COL21A1: variants seen among roughly 807,000 people sequenced by gnomAD.
COL21A1 encodes the protein collagen type XXI alpha 1 chain.
Under a neutral mutation model 137.9 loss-of-function variants are expected in COL21A1, and 149 were observed. The observed-to-expected ratio is 1.08, with a 90% CI of 0.95 to 1.24. The LOEUF (loss-of-function observed/expected upper bound fraction) is 1.24. Among genes scored for constraint, COL21A1 ranks in the 50% most tolerant of loss-of-function variants. The pLI is 0.00. For synonymous variants in COL21A1, 456 were observed against 391.5 expected (o/e 1.16, Z -1.95); for missense variants, 1,167 against 1,158.4 (o/e 1.01, Z -0.11).
At chr6:56,360,148 G>A (rs1765932032) in intron 1 of COL21A1, among the ~76,000 whole-genome samples, 1 of 152,180 alleles carries the variant, frequency 6.6e-6, no homozygotes, top group African/African-American at 2.4e-5. Flanking sequence ...AGAAGGCTTA[G>A]ACTACTAAAA....
chr6:56,203,149 A>C (rs1338197980), intron 1 of COL21A1, among the ~76,000 whole-genome samples: 13 of 152,202 alleles, frequency 8.5e-5, no homozygotes, highest in Non-Finnish European at 1.9e-4. Context: ...AGACTAATAA[A>C]ATTTCTAACT....
At chr6:56,287,681 C>G (rs1444155354) in intron 1 of COL21A1, among the ~76,000 whole-genome samples, 1 of 152,060 alleles carries the variant, frequency 6.6e-6, no homozygotes, top group Non-Finnish European at 1.5e-5. Flanking sequence ...TCATAAGTTA[C>G]CCAGTCTCAG....
At position 56,060,798 on chromosome 6, in the gene COL21A1, G is replaced by A. The variant is rs752351826; in HGVS notation, c.2353-3C>T. The A allele has an allele frequency of 6.2e-7, 1 of 1,608,086 alleles. No homozygotes were observed. Among genetic ancestry groups the A allele is most frequent in the East Asian group, 2.2e-5 (1 of 44,720 alleles). Reference sequence around the variant, plus strand: ...AATTGTTCTGAAAACTCTCTTCCCTGCATCAAAGTGTTAGGGGTTATAACA... The same window carrying A: ...AATTGTTCTGAAAACTCTCTTCCCTACATCAAAGTGTTAGGGGTTATAACA... On this transcript the variant is annotated splice_region_variant and splice_polypyrimidine_tract_variant and intron_variant, in intron 26 of 29. Coordinates refer to ENST00000244728, the MANE Select transcript of COL21A1 (RefSeq NM_030820.4).
intron 1 of COL21A1, among the ~76,000 whole-genome samples, chr6:56,357,529 C>T (rs1397299633): frequency 6.6e-6 from 1 of 152,140 alleles, no homozygotes; most frequent in Non-Finnish European, 1.5e-5. Flanking sequence ...TTCTGAAAAA[C>T]AAATAAAGAT....
intron 12 of COL21A1, among the ~76,000 whole-genome samples, chr6:56,127,339 G>A (rs942500392): frequency 1.2e-4 from 18 of 151,994 alleles, no homozygotes; most frequent in Admixed American, 2.0e-4. Context: ...CATTTTAATC[G>A]TTTAGTTTCC....
At chr6:56,218,547 T>G (rs1780628124) in intron 1 of COL21A1, among the ~76,000 whole-genome samples, 1 of 152,146 alleles carries the variant, frequency 6.6e-6, no homozygotes, top group South Asian at 2.1e-4. Context: ...GATATTGGAA[T>G]ACATTCTTAA....
rs1411765749 is a variant in COL21A1 at position 56,115,074 on chromosome 6, TCTCA to T, written c.1758+8984_1758+8987del. Among the ~76,000 whole-genome samples, 601 of 151,174 alleles carry T rather than the reference TCTCA, an allele frequency of 4.0e-3. 2 individuals are homozygous for T. The highest frequency in any genetic ancestry group is 0.014 in the African/African-American group (578 of 41,202). On this transcript the variant is annotated intron_variant, in intron 16 of 29. Transcript: ENST00000244728. The stretch of plus-strand genomic sequence containing the variant: ...GAACAAAAAACCAAACACCGCATAT[TCTCA>T]CTCATAGGTGGGAATTGAACAATGA...
intron 10 of COL21A1, among the ~76,000 whole-genome samples, chr6:56,147,712 G>C (rs1774944459): frequency 6.6e-6 from 1 of 151,946 alleles, no homozygotes; most frequent in South Asian, 2.1e-4. Flanking sequence ...ATATATCTAA[G>C]TAATCTATTT....
chr6:56,167,512 G>T (rs1187911944), intron 6 of COL21A1, among the ~76,000 whole-genome samples: 1 of 152,192 alleles, frequency 6.6e-6, no homozygotes, highest in Admixed American at 6.5e-5. Context: ...ATATGAAAAT[G>T]ACAGACTCTT....
intron 1 of COL21A1, among the ~76,000 whole-genome samples, chr6:56,266,398 G>GT (rs1763392084): frequency 6.6e-6 from 1 of 151,600 alleles, no homozygotes; most frequent in South Asian, 2.1e-4. Flanking sequence ...TTGTTTTTTT[G>GT]TTTTTTGAGG....
chr6:56,114,740 T>G (rs529527718), intron 16 of COL21A1, among the ~76,000 whole-genome samples: 78 of 148,838 alleles, frequency 5.2e-4, no homozygotes, highest in African/African-American at 1.8e-3. Flanking sequence ...GTAAACTAGT[T>G]CAACCATTGT....
At chr6:56,103,405 G>C (rs1377364449) in intron 16 of COL21A1, among the ~76,000 whole-genome samples, 2 of 152,124 alleles carry the variant, frequency 1.3e-5, no homozygotes, top group Middle Eastern at 3.2e-3. Flanking sequence ...AGAGGGTAAG[G>C]CACTTGCCAA....
chr6:56,177,043 G>T (rs1171843590), intron 3 of COL21A1, among the ~76,000 whole-genome samples: 1 of 151,534 alleles, frequency 6.6e-6, no homozygotes, highest in Non-Finnish European at 1.5e-5. Context: ...GGAGGAGGAA[G>T]TAGTAGTAGA....
intron 1 of COL21A1, among the ~76,000 whole-genome samples, chr6:56,230,035 T>A (rs917559813): frequency 1.3e-5 from 2 of 151,900 alleles, no homozygotes; most frequent in Admixed American, 1.3e-4. Context: ...TCAGAGCACA[T>A]TGCATGTACA....
chr6:56,393,576 T>G (rs2094034221), intron 1 of COL21A1, among the ~76,000 whole-genome samples: 1 of 152,182 alleles, frequency 6.6e-6, no homozygotes, highest in Non-Finnish European at 1.5e-5. Context: ...TTGGTGGAAT[T>G]GTTAGCATGC....
intron 17 of COL21A1, among the ~76,000 whole-genome samples, chr6:56,093,222 A>T (rs750536664): frequency 3.3e-5 from 5 of 152,124 alleles, no homozygotes; most frequent in Non-Finnish European, 7.4e-5. Flanking sequence ...AGCCTGACAC[A>T]GTCTACCCTC....
intron 1 of COL21A1, among the ~76,000 whole-genome samples, chr6:56,366,375 C>T (rs764078500): frequency 6.6e-5 from 10 of 152,238 alleles, no homozygotes; most frequent in South Asian, 4.1e-4. Context: ...AGCCAAGTAC[C>T]GCAGCAGGAA....
chr6:56,204,527 A>G (rs1779628797), intron 1 of COL21A1, among the ~76,000 whole-genome samples: 1 of 152,168 alleles, frequency 6.6e-6, no homozygotes, highest in South Asian at 2.1e-4. Flanking sequence ...ACAGAGCACC[A>G]GGGGGAAGTG....
At chr6:56,367,487 C>T (rs1321469080) in intron 1 of COL21A1, among the ~76,000 whole-genome samples, 1 of 152,200 alleles carries the variant, frequency 6.6e-6, no homozygotes, top group Non-Finnish European at 1.5e-5. Flanking sequence ...AACACTCCCA[C>T]TCTTCTACAG....
Sources: allele counts gnomAD v4.1 joint callset (sites outside exome capture counted in the v4.1 genomes callset), GRCh38; gene constraint gnomAD v4.1.1; transcripts MANE v1.5; gene names NCBI Gene and HGNC (gene_info 2026-07-23, HGNC 2026-07-21).